Variants in SPATA2L observed in about 807,000 individuals in gnomAD.
SPATA2L encodes spermatogenesis associated 2 like, also known as spermatogenesis-associated protein 2-like protein.
In SPATA2L, 5 loss-of-function variants were observed where a neutral mutation model predicts 8.7. The ratio of observed to expected loss-of-function variants is 0.57; its 90% CI spans 0.30 to 1.21. The LOEUF (loss-of-function observed/expected upper bound fraction) is 1.21. SPATA2L is among the 50% of genes most tolerant of loss of function. SPATA2L has a pLI of 0.07. For missense variants in SPATA2L, 671 were observed against 591.0 expected (o/e 1.14, Z -1.40); for synonymous variants, 358 against 275.8 (o/e 1.30, Z -2.95).
rs2060773983 is a variant in SPATA2L, at chr16:89,701,232, T to TCCTGCGGCGGACGGG, written c.-1-14_-1dup. On this transcript the variant is annotated splice_region_variant and 5_prime_UTR_variant, in exon 2 of 3. Transcript: ENST00000289805. ...TCCTCGGACAGCGAGCTGCTGCCCA[T>TCCTGCGGCGGACGGG]CCTGCGGCGGACGGGGGTCGGGGGG... The TCCTGCGGCGGACGGG allele has an allele frequency of 7.1e-7, 1 of 1,412,890 alleles. No homozygotes were observed. The highest frequency in any genetic ancestry group is 2.9e-5 in the East Asian group (1 of 34,298). 87.5% of individuals were successfully genotyped at this position (1,412,890 alleles called of 1,614,324 possible). A position where few individuals can be genotyped will look rare whatever the true frequency, so the allele number is the denominator to read the frequency against.
intron 2 of SPATA2L, 26 bp downstream of exon 2, chr16:89,700,904 C>A: frequency 7.1e-7 from 1 of 1,414,970 alleles, no homozygotes; most frequent in Non-Finnish European, 9.3e-7. Flanking sequence ...GGACGAGGGG[C>A]GCGCTCCTCC....
chr16:89,697,923 C>T lies in SPATA2L; in HGVS notation c.686G>A (p.Arg229Gln), dbSNP rs769290650. The T allele has an allele frequency of 7.6e-5, 123 of 1,610,928 alleles. No individual in the cohort carries two copies. The Middle Eastern group carries it at 4.6e-3, about 60-fold the overall frequency. The change falls in exon 3 of 3, where the codon CGG becomes CAG. Residue 229 changes from arginine (R) to glutamine (Q), a missense_variant. By Grantham distance (43) the Arg-to-Gln change is conservative. Transcript: ENST00000289805. ...CGACCCCTCGTCTTCCTGCAAGTCC[C>T]GGTATAAGTCCAGTGGGGCCCTGTA... ...AAYRAPLDLY[R>Q]DLQEDEGSED...
intron 2 of SPATA2L, 60 bp from the exon 3 acceptor site, chr16:89,698,365 A>T: frequency 6.7e-7 from 1 of 1,497,702 alleles, no homozygotes; most frequent in South Asian, 1.4e-5. Flanking sequence ...ACCCTAGGGT[A>T]CAGTGGGTCC....
At chr16:89,701,385 C>A in intron 1 of SPATA2L, 152 bp from the exon 2 acceptor site, 2 of 714,122 alleles carry the variant, frequency 2.8e-6, no homozygotes, top group East Asian at 3.4e-5. Context: ...TTCGGCACCC[C>A]CTACGCTGGA....
intron 1 of SPATA2L, 114 bp downstream of exon 1, chr16:89,701,514 G>C (rs1481733846): frequency 2.6e-6 from 1 of 386,334 alleles, no homozygotes; most frequent in Non-Finnish European, 4.6e-6. Context: ...GGGCGCCCCC[G>C]GTTATCGACC....
In SPATA2L at chr16:89,697,665, T is replaced by G. The variant is rs1267037454; in HGVS notation, c.944A>C (p.Glu315Ala). ...GGCCAGGTCCCCAGGCCTACTCAGC[T>G]CACGGCGCAGAGAGAGGAAGGAGAA... is the stretch of plus-strand genomic sequence containing the variant. ...SAFSFLSLRR[E>A]LSRPGDLATP... The change falls in exon 3 of 3, where the codon GAG becomes GCG. Residue 315 changes from glutamate (E) to alanine (A), a missense_variant. Transcript: ENST00000289805. The G allele has an allele frequency of 6.2e-7, 1 of 1,610,558 alleles. No individual in the cohort carries two copies. The highest frequency in any genetic ancestry group is 1.7e-5 in the Admixed American group (1 of 60,000).
chr16:89,697,157 G>A lies in SPATA2L; in HGVS notation c.*177C>T. 1 of 1,376,500 alleles carries A rather than the reference G, an allele frequency of 7.3e-7. No homozygotes were observed. Among genetic ancestry groups the A allele is most frequent in the South Asian group, 1.9e-5 (1 of 52,104 alleles). The allele number at this position is 1,376,500 out of a possible 1,614,324, so 85.3% of individuals were successfully genotyped here. On this transcript the variant is annotated 3_prime_UTR_variant, in exon 3 of 3. Transcript: ENST00000289805. ...CCGGCTTAGGCCTGCTGCCCTTGGA[G>A]CCTTCCATATACAGAGAGTCCCACC...
chr16:89,700,228 C>G (rs2060766763), intron 2 of SPATA2L, among the ~76,000 whole-genome samples: 1 of 152,182 alleles, frequency 6.6e-6, no homozygotes, highest in Non-Finnish European at 1.5e-5. Flanking sequence ...CCTGTCCGTC[C>G]TCTCTCATGA....
intron 2 of SPATA2L, among the ~76,000 whole-genome samples, chr16:89,698,675 CAG>C (rs1299035883): frequency 2.0e-5 from 3 of 151,528 alleles, no homozygotes; most frequent in African/African-American, 2.4e-5. Context: ...TTAGTAGAGA[CAG>C]GGTTTCACCA....
chr16:89,700,866 G>A (rs774402612), intron 2 of SPATA2L, 64 bp downstream of exon 2: 522 of 1,389,616 alleles, frequency 3.8e-4, no homozygotes, highest in Non-Finnish European at 4.6e-4. Context: ...GGTCCCCCAT[G>A]GTCGGCGGCC....
intron 2 of SPATA2L, among the ~76,000 whole-genome samples, chr16:89,699,014 T>C (rs922107737): frequency 6.6e-6 from 1 of 151,918 alleles, no homozygotes; most frequent in African/African-American, 2.4e-5. Flanking sequence ...TCTTGATCCC[T>C]TGACCTCATG....
Position 89,696,527 on chromosome 16 carries a change from C to G in SPATA2L, c.*807G>C, listed in dbSNP as rs914290178. On this transcript the variant is annotated 3_prime_UTR_variant, in exon 3 of 3. Coordinates refer to ENST00000289805, the MANE Select transcript of SPATA2L (RefSeq NM_152339.4). Reference sequence around the variant, plus strand: ...GCACCCTGCCCTCTCCCTCGCCAGACCCGAGGGTAGGGCAGAGGCACCTCC... The same window carrying G: ...GCACCCTGCCCTCTCCCTCGCCAGAGCCGAGGGTAGGGCAGAGGCACCTCC... 1.4e-5 allele frequency: 6 copies of G among 432,028 alleles called. No homozygotes were observed. The Admixed American group carries it at 1.6e-4, about 12-fold the overall frequency. The allele number at this position is 432,028 out of a possible 1,614,324, so 26.8% of individuals were successfully genotyped here.
rs2060736791 is a variant in SPATA2L, at chr16:89,697,230, AC to A, written c.*103del. On this transcript the variant is annotated 3_prime_UTR_variant, in exon 3 of 3. Transcript: ENST00000289805. ...TCTCCAACCCCCTGCTGTGCCCAGG[AC>A]TCCCCCAGGGACAAGGCAACCAGAG... 7.1e-7 allele frequency: 1 copy of A among 1,401,290 alleles called. No individual in the cohort carries two copies. The highest frequency in any genetic ancestry group is 1.4e-5 in the African/African-American group (1 of 69,110). 86.8% of individuals were successfully genotyped at this position (1,401,290 alleles called of 1,614,324 possible). A position where few individuals can be genotyped will look rare whatever the true frequency, so the allele number is the denominator to read the frequency against.
intron 2 of SPATA2L, among the ~76,000 whole-genome samples, chr16:89,699,319 T>A (rs976798469): frequency 6.6e-6 from 1 of 152,190 alleles, no homozygotes; most frequent in African/African-American, 2.4e-5. Flanking sequence ...CCCCCTTTTT[T>A]TTCACCTCTT....
At position 89,696,883 on chromosome 16, in the gene SPATA2L, C is replaced by G; in HGVS notation, c.*451G>C. 6.5e-7 allele frequency: 1 copy of G among 1,534,490 alleles called. No homozygotes were observed. The highest frequency in any genetic ancestry group is 1.2e-5 in the South Asian group (1 of 83,740). On this transcript the variant is annotated 3_prime_UTR_variant, in exon 3 of 3. Transcript: ENST00000289805. ...AGCAGAGCTTGGGGTGGGGGGAGCT[C>G]GGTGTCACCAACAGGCCCTTGAGGA...
intron 2 of SPATA2L, 25 bp downstream of exon 2, chr16:89,700,905 G>A: frequency 1.4e-6 from 2 of 1,414,868 alleles, no homozygotes; most frequent in Non-Finnish European, 1.9e-6. Flanking sequence ...GACGAGGGGC[G>A]CGCTCCTCCT....
Position 89,697,960 on chromosome 16 carries a change from A to C in SPATA2L, c.649T>G (p.Ser217Ala). Residue 217 changes from serine to alanine, a missense_variant, in exon 3 of 3, where the codon TCC becomes GCC. Coordinates refer to ENST00000289805, the MANE Select transcript of SPATA2L (RefSeq NM_152339.4). ...EEPPPLPPRG[S>A]PAAYRAPLDL... ...AGTGGGGCCCTGTAAGCAGCAGGGGAGCCTCGGGGGGGCAGGGGTGGCGGC... is the reference window on the plus strand; with the variant it reads ...AGTGGGGCCCTGTAAGCAGCAGGGGCGCCTCGGGGGGGCAGGGGTGGCGGC... The C allele has an allele frequency of 6.2e-7, 1 of 1,606,152 alleles. No individual in the cohort carries two copies. The highest frequency in any genetic ancestry group is 8.5e-7 in the Non-Finnish European group (1 of 1,177,190).
chr16:89,697,281 G>C lies in SPATA2L; in HGVS notation c.*53C>G. 2.0e-6 allele frequency: 3 copies of C among 1,464,444 alleles called. No individual in the cohort carries two copies. Among genetic ancestry groups the C allele is most frequent in the Non-Finnish European group, 2.7e-6 (3 of 1,113,426 alleles). The allele number at this position is 1,464,444 out of a possible 1,614,324, so 90.7% of individuals were successfully genotyped here. ...GGCCCAGACCCCTCCCCAGCAAAGAGAAGCACCACGGGAGCTGTCTCCCAA... is the reference window on the plus strand; with the variant it reads ...GGCCCAGACCCCTCCCCAGCAAAGACAAGCACCACGGGAGCTGTCTCCCAA... On this transcript the variant is annotated 3_prime_UTR_variant, in exon 3 of 3. Coordinates refer to ENST00000289805, the MANE Select transcript of SPATA2L (RefSeq NM_152339.4).
In SPATA2L at chr16:89,698,117, G is replaced by A; in HGVS notation, c.492C>T (p.Ile164=). The change falls in exon 3 of 3, where the codon ATC becomes ATT. Residue 164 remains isoleucine, a synonymous_variant. Transcript: ENST00000289805. ...CCAGCTGGGCCAGCACCTCACCCAG[G>A]ATCTCACACTCCAGCCGGAGGGCGA... The part of the protein sequence containing the change: ...GCFALRLECE[I]LGEVLAQLGT... The A allele has an allele frequency of 6.2e-7, 1 of 1,607,070 alleles. No individual in the cohort carries two copies. Among genetic ancestry groups the A allele is most frequent in the Non-Finnish European group, 8.5e-7 (1 of 1,178,040 alleles).
Sources: gnomAD v4.1 joint callset for allele counts (sites outside exome capture counted in the v4.1 genomes callset) on GRCh38, gnomAD v4.1.1 for gene constraint, MANE v1.5 for transcripts, NCBI Gene and HGNC (gene_info 2026-07-23, HGNC 2026-07-21) for gene names.